NDUFAF1: variants seen among roughly 807,000 people sequenced by gnomAD.
The protein encoded by NDUFAF1 is NADH:ubiquinone oxidoreductase complex assembly factor 1, also known as complex I intermediate-associated protein 30, mitochondrial.
Under a neutral mutation model 28.7 loss-of-function variants are expected in NDUFAF1, and 18 were observed. That is an observed-to-expected ratio of 0.63 (90% CI 0.43 to 0.93). NDUFAF1 has a LOEUF of 0.93. Ranked by LOEUF, NDUFAF1 falls within the 40% of genes least tolerant of loss-of-function variation. The probability of loss-of-function intolerance (pLI) is 0.00; values close to 1 mark genes in which losing one functional copy is unlikely to be tolerated. For missense variants in NDUFAF1, 404 were observed against 398.3 expected, an observed-to-expected ratio of 1.01 and a Z score of -0.12; for synonymous variants, 113 against 139.7, an observed-to-expected ratio of 0.81 and a Z score of 1.35.
At chr15:41,394,276 C>T (rs939964590) in intron 3 of NDUFAF1, 13 of 913,148 alleles carry the variant, frequency 1.4e-5, no homozygotes, top group Admixed American at 2.4e-5. Flanking sequence ...TCAAGTGATC[C>T]GTCCGCCTTG....
At position 41,394,912 on chromosome 15, in the gene NDUFAF1, T is replaced by C. The variant is rs1208693484; in HGVS notation, c.706A>G (p.Met236Val). 6.2e-7 allele frequency: 1 copy of C among 1,614,022 alleles called. No homozygotes were observed. The highest frequency in any genetic ancestry group is 1.7e-5 in the Admixed American group (1 of 59,974). Residue 236 changes from methionine (M) to valine (V), a missense_variant, in exon 3 of 5, where the codon ATG becomes GTG. Met to Val is a conservative substitution (Grantham distance 21). Coordinates refer to ENST00000260361, the MANE Select transcript of NDUFAF1 (RefSeq NM_016013.4). The stretch of plus-strand genomic sequence containing the variant: ...CGGGTGAACATGAAGTAACTATACA[T>C]CTGATTCGTCCTCTGGAAGAAATCT... The part of the protein sequence containing the change: ...DTDFFQRTNQ[M>V]YSYFMFTRGG...
chr15:41,402,590 C>T (rs773746516), upstream of NDUFAF1: 3 of 228,666 alleles, frequency 1.3e-5, no homozygotes, highest in Non-Finnish European at 2.8e-5. Flanking sequence ...CAGCAAGGAC[C>T]CCGTAGCCCA....
chr15:41,394,124 G>A (rs888205751), intron 3 of NDUFAF1: 7 of 400,504 alleles, frequency 1.7e-5, no homozygotes, highest in Non-Finnish European at 3.0e-5. Flanking sequence ...CGCCTCCTGG[G>A]TTCAAGCAAT....
rs1566828671 is a variant in NDUFAF1, at chr15:41,402,426, C to T, written c.-364G>A. 2 of 436,502 alleles carry T rather than the reference C, an allele frequency of 4.6e-6. No homozygotes were observed. The highest frequency in any genetic ancestry group is 4.0e-5 in the African/African-American group (2 of 49,648). 27.0% of individuals were successfully genotyped at this position (436,502 alleles called of 1,614,324 possible). ...CTCCCCACACCCGGGACACACCAACCGCCGGCCTGCCGCCGCTTACCTCCC... is the reference window on the plus strand; with the variant it reads ...CTCCCCACACCCGGGACACACCAACTGCCGGCCTGCCGCCGCTTACCTCCC... On this transcript the variant is annotated 5_prime_UTR_variant, in exon 1 of 5. Transcript: ENST00000260361.
rs1434470305 is a variant in NDUFAF1 at position 41,402,290 on chromosome 15, T to A, written c.-228A>T. ...GTCACACAGGTAGTGAGTGGCAAAA[T>A]TCTTCCGCCTTGGCGTATACCTCCC... On this transcript the variant is annotated 5_prime_UTR_variant, in exon 1 of 5. Transcript: ENST00000260361. 1 of 453,982 alleles carries A rather than the reference T, an allele frequency of 2.2e-6. No homozygotes were observed. The highest frequency in any genetic ancestry group is 2.0e-5 in the African/African-American group (1 of 50,008). 28.1% of individuals were successfully genotyped at this position (453,982 alleles called of 1,614,324 possible).
At chr15:41,400,308 G>A (rs1322654547) in intron 1 of NDUFAF1, among the ~76,000 whole-genome samples, 1 of 149,386 alleles carries the variant, frequency 6.7e-6, no homozygotes, top group African/African-American at 2.5e-5. Context: ...GGTGGAGGTT[G>A]TGGTGAGCCA....
chr15:41,394,738 G>A (rs996268589), intron 3 of NDUFAF1, 121 bp downstream of exon 3: 6 of 914,180 alleles, frequency 6.6e-6, no homozygotes, highest in South Asian at 4.1e-5. Context: ...ACCTGGTCTC[G>A]AACTCCTGAC....
rs1184845562 is a variant in NDUFAF1, at chr15:41,399,778, C to A, written c.-82+2366G>T. Among the ~76,000 whole-genome samples, 4 of 145,630 alleles carry A rather than the reference C, an allele frequency of 2.7e-5. No individual in the cohort carries two copies. The East Asian group carries it at 8.1e-4, about 29-fold the overall frequency. The stretch of plus-strand genomic sequence containing the variant: ...GGCTGAGGCAGGAGAATGGCGTGAA[C>A]CCGGGAGGCGGAGCTTGCAGTGAGC... On this transcript the variant is annotated intron_variant, in intron 1 of 4. Coordinates refer to ENST00000260361, the MANE Select transcript of NDUFAF1 (RefSeq NM_016013.4).
At chr15:41,392,114 C>A (rs1265320214) in intron 3 of NDUFAF1, among the ~76,000 whole-genome samples, 1 of 149,086 alleles carries the variant, frequency 6.7e-6, no homozygotes, top group Admixed American at 6.7e-5. Context: ...ACTCTGTCAC[C>A]CAGGGTGGAG....
At chr15:41,393,704 C>T (rs2050344350) in intron 3 of NDUFAF1, among the ~76,000 whole-genome samples, 1 of 151,826 alleles carries the variant, frequency 6.6e-6, no homozygotes, top group Non-Finnish European at 1.5e-5. Flanking sequence ...CCTCAGCCTT[C>T]TGAGTAGCTG....
At position 41,387,557 on chromosome 15, in the gene NDUFAF1, C is replaced by A. The variant is rs778681144; in HGVS notation, c.871G>T (p.Asp291Tyr). ...TCTATCTCCAGGAAGAATGGACCATCCACTTTATCAGCCAAGGTGAATCCT... is the reference window on the plus strand; with the variant it reads ...TCTATCTCCAGGAAGAATGGACCATACACTTTATCAGCCAAGGTGAATCCT... ...SIGFTLADKV[D>Y]GPFFLEIDFI... Residue 291 changes from aspartate to tyrosine, a missense_variant, in exon 5 of 5, where the codon GAT becomes TAT. Coordinates refer to ENST00000260361, the MANE Select transcript of NDUFAF1 (RefSeq NM_016013.4). 2.5e-6 allele frequency: 4 copies of A among 1,611,536 alleles called. No homozygotes were observed. In the East Asian group the frequency reaches 8.9e-5, roughly 36 times the overall value.
At chr15:41,390,035 C>T (rs2050298117) in intron 3 of NDUFAF1, among the ~76,000 whole-genome samples, 1 of 152,060 alleles carries the variant, frequency 6.6e-6, no homozygotes. Context: ...GTGATCTCAG[C>T]TCACTGCAGC....
intron 4 of NDUFAF1, 139 bp from the exon 5 acceptor site, chr15:41,387,732 C>A: frequency 1.5e-6 from 1 of 677,418 alleles, no homozygotes; most frequent in South Asian, 1.8e-5. Flanking sequence ...TACTAATTCT[C>A]CCATAGCATA....
chr15:41,394,502 A>G (rs2050357140), intron 3 of NDUFAF1: 1 of 636,460 alleles, frequency 1.6e-6, no homozygotes. Context: ...GTTAACATTT[A>G]TATTAATGAA....
At chr15:41,394,019 CTTTTT>C (rs549825524) in intron 3 of NDUFAF1, 80 of 129,922 alleles carry the variant, frequency 6.2e-4, no homozygotes, top group Middle Eastern at 2.8e-3. Flanking sequence ...TAGGACACTA[CTTTTT>C]TTTTTTTTTT....
chr15:41,400,300 T>C lies in NDUFAF1; in HGVS notation c.-82+1844A>G, dbSNP rs112835048. Among the ~76,000 whole-genome samples the C allele has an allele frequency of 7.1e-3, 911 of 128,892 alleles. 4 individuals are homozygous for C. Among genetic ancestry groups the C allele is most frequent in the South Asian group, 0.029 (114 of 3,966 alleles). The allele number at this position is 128,892 out of a possible 152,430, so 84.6% of individuals were successfully genotyped here. On this transcript the variant is annotated intron_variant, in intron 1 of 4. Transcript: ENST00000260361. The stretch of plus-strand genomic sequence containing the variant: ...GCAGGAGAATAGCTTGAACAGGAGG[T>C]GGAGGTTGTGGTGAGCCAAGATCAC...
At chr15:41,390,649 C>A (rs907617969) in intron 3 of NDUFAF1, among the ~76,000 whole-genome samples, 2 of 150,728 alleles carry the variant, frequency 1.3e-5, no homozygotes, top group African/African-American at 4.9e-5. Flanking sequence ...GGCGTGAACC[C>A]GGGAGGCGGA....
At chr15:41,402,728 C>CTT (rs557825524), upstream of NDUFAF1, among the ~76,000 whole-genome samples, 307 of 120,814 alleles carry the variant, frequency 2.5e-3, 4 homozygotes, top group Middle Eastern at 4.2e-3. Flanking sequence ...ATCCCTGCGT[C>CTT]TTTTTTTTTT....
At chr15:41,400,797 A>T (rs2050452533) in intron 1 of NDUFAF1, among the ~76,000 whole-genome samples, 1 of 147,140 alleles carries the variant, frequency 6.8e-6, no homozygotes. Context: ...TTGTTCTCCC[A>T]AAGTACTGTG....
Sources: allele counts gnomAD v4.1 joint callset (sites outside exome capture counted in the v4.1 genomes callset), GRCh38; gene constraint gnomAD v4.1.1; transcripts MANE v1.5; gene names NCBI Gene and HGNC (gene_info 2026-07-23, HGNC 2026-07-21).